DLGAP1: variants seen among roughly 807,000 people sequenced by gnomAD.
DLGAP1 encodes DLG associated protein 1.
Under a neutral mutation model 90.8 loss-of-function variants are expected in DLGAP1, and 11 were observed. The observed-to-expected ratio is 0.12, with a 90% CI of 0.08 to 0.20. The LOEUF (loss-of-function observed/expected upper bound fraction) is 0.20, where lower values mean the gene tolerates loss of function less well. Ranked by LOEUF, DLGAP1 falls within the 10% of genes least tolerant of loss-of-function variation. The pLI is 1.00. For synonymous variants in DLGAP1, 558 were observed against 540.7 expected (o/e 1.03, Z -0.44); for missense variants, 1,050 against 1,333.8 (o/e 0.79, Z 3.31).
chr18:4,081,072 A>G (rs182589989), intron 2 of DLGAP1, among the ~76,000 whole-genome samples: 3 of 152,160 alleles, frequency 2.0e-5, no homozygotes, highest in Non-Finnish European at 4.4e-5. Flanking sequence ...TATTTTTAGA[A>G]GAGATGGGGT....
rs370435422 is a variant in DLGAP1, at chr18:4,247,376, A to G, written c.-266-96089T>C. 1.1e-4 allele frequency among the ~76,000 whole-genome samples: 16 copies of G among 152,316 alleles called. 1 individual carries two copies. Among genetic ancestry groups the G allele is most frequent in the East Asian group, 1.9e-4 (1 of 5,186 alleles). On this transcript the variant is annotated intron_variant, in intron 1 of 12. Transcript: ENST00000315677. The stretch of plus-strand genomic sequence containing the variant: ...GTTCACCTGGCTAGTAAGGAAGAGA[A>G]CCAGAATTCGAACCCATGCGGCCTT...
At chr18:4,107,706 G>A (rs893473143) in intron 2 of DLGAP1, among the ~76,000 whole-genome samples, 16 of 152,144 alleles carry the variant, frequency 1.1e-4, no homozygotes, top group African/African-American at 3.9e-4. Context: ...ATCTCTCTAC[G>A]ATAGAAATGA....
At chr18:4,113,378 G>A (rs533321271) in intron 2 of DLGAP1, among the ~76,000 whole-genome samples, 5 of 152,014 alleles carry the variant, frequency 3.3e-5, no homozygotes, top group East Asian at 3.9e-4. Flanking sequence ...AACTTTTTTC[G>A]AAAGTTTGTT....
chr18:4,361,770 C>T (rs575621202), intron 1 of DLGAP1, among the ~76,000 whole-genome samples: 1 of 151,902 alleles, frequency 6.6e-6, no homozygotes, highest in East Asian at 1.9e-4. Flanking sequence ...TGTCAAAAGA[C>T]AGTAACAGCA....
intron 1 of DLGAP1, among the ~76,000 whole-genome samples, chr18:4,353,086 T>C (rs774209145): frequency 1.7e-4 from 26 of 152,152 alleles, no homozygotes; most frequent in Non-Finnish European, 7.3e-5. Flanking sequence ...CTCTTCTATT[T>C]AAAAAGATCT....
chr18:4,195,078 A>T (rs927735013), intron 1 of DLGAP1, among the ~76,000 whole-genome samples: 29 of 152,344 alleles, frequency 1.9e-4, no homozygotes, highest in Middle Eastern at 3.4e-3. Flanking sequence ...TTGAAGAAAA[A>T]AAACCCAAAT....
chr18:3,700,608 T>A (rs777447070), intron 7 of DLGAP1, among the ~76,000 whole-genome samples: 5 of 152,140 alleles, frequency 3.3e-5, no homozygotes, highest in Admixed American at 6.5e-5. Context: ...TTTATTTTTT[T>A]AAAATTTTAA....
At chr18:3,658,910 CAG>C (rs3067020) in intron 7 of DLGAP1, among the ~76,000 whole-genome samples, 9,967 of 152,104 alleles carry the variant, frequency 0.066, 1,103 homozygotes, top group African/African-American at 0.23. Flanking sequence ...TCAGGGAAGA[CAG>C]GGGTGGCAGT....
rs1267141125 is a variant in DLGAP1, at chr18:3,665,455, TGGGAATA to T, written c.1591+63673_1591+63679del. Among the ~76,000 whole-genome samples, 4 of 152,362 alleles carry T rather than the reference TGGGAATA, an allele frequency of 2.6e-5. No homozygotes were observed. In the East Asian group the frequency reaches 5.8e-4, roughly 22 times the overall value. The stretch of plus-strand genomic sequence containing the variant: ...CGGATATGGAAAATACATGCTCCGC[TGGGAATA>T]GTCTTTCTTAAAATATATCTGCTCT... On this transcript the variant is annotated intron_variant, in intron 7 of 12. Transcript: ENST00000315677.
chr18:3,869,613 T>G (rs561910408), intron 4 of DLGAP1, among the ~76,000 whole-genome samples: 58 of 152,340 alleles, frequency 3.8e-4, no homozygotes, highest in African/African-American at 1.2e-3. Context: ...GACGAAAGCT[T>G]TCTGCGTTTA....
chr18:4,441,060 CT>C (rs1292980476), intron 1 of DLGAP1, among the ~76,000 whole-genome samples: 1 of 152,298 alleles, frequency 6.6e-6, no homozygotes, highest in Non-Finnish European at 1.5e-5. Context: ...ATTCTAACAT[CT>C]TTTTTTACCC....
At chr18:4,034,949 T>G (rs1454345266) in intron 2 of DLGAP1, among the ~76,000 whole-genome samples, 1 of 152,240 alleles carries the variant, frequency 6.6e-6, no homozygotes, top group Non-Finnish European at 1.5e-5. Flanking sequence ...GTCCTTGTGA[T>G]AGTTTGCTGA....
chr18:3,502,782 G>C, intron 11 of DLGAP1, 137 bp from the exon 12 acceptor site: 1 of 920,330 alleles, frequency 1.1e-6, no homozygotes, highest in Non-Finnish European at 1.6e-6. Flanking sequence ...AGGTAAAAGT[G>C]AGGTTACAAA....
rs141130012 is a variant in DLGAP1 at position 4,137,267 on chromosome 18, A to G, written c.-159+13913T>C. 3.9e-5 allele frequency among the ~76,000 whole-genome samples: 6 copies of G among 152,286 alleles called. No homozygotes were observed. In the East Asian group the frequency reaches 1.2e-3, roughly 29 times the overall value. On this transcript the variant is annotated intron_variant, in intron 2 of 12. Coordinates refer to ENST00000315677, the MANE Select transcript of DLGAP1 (RefSeq NM_004746.4). ...ATGGCTGCATAGTATTCCATGGTGT[A>G]TATGTGCCACATTTTCTTAATCCAG...
intron 10 of DLGAP1, among the ~76,000 whole-genome samples, chr18:3,531,494 T>C (rs1378078198): frequency 6.6e-6 from 1 of 152,096 alleles, no homozygotes; most frequent in African/African-American, 2.4e-5. Context: ...ATATTTTACC[T>C]TTTTTTGAGT....
chr18:4,065,696 T>C (rs1657281432), intron 2 of DLGAP1, among the ~76,000 whole-genome samples: 1 of 152,064 alleles, frequency 6.6e-6, no homozygotes, highest in African/African-American at 2.4e-5. Context: ...GAAAAAACAT[T>C]CCATGCTCAT....
Position 3,729,313 on chromosome 18 carries a change from C to T in DLGAP1, c.1413G>A (p.Leu471=), listed in dbSNP as rs747409807. 2 of 1,614,148 alleles carry T rather than the reference C, an allele frequency of 1.2e-6. No homozygotes were observed. The highest frequency in any genetic ancestry group is 2.2e-5 in the South Asian group (2 of 91,076). The change falls in exon 7 of 13, where the codon CTG becomes CTA. Residue 471 remains leucine (L), a synonymous_variant. Transcript: ENST00000315677. This position sits in a 1 kb window ranked among gnomAD's most constrained non-coding sequence, Gnocchi z 6.2. ...ESVCESVFSE[L]ESQAVEALDL... ...CCAGCGCTTCCACGGCCTGCGACTCCAGCTCGCTGAACACGGACTCGCACA... is the reference window on the plus strand; with the variant it reads ...CCAGCGCTTCCACGGCCTGCGACTCTAGCTCGCTGAACACGGACTCGCACA...
chr18:4,238,298 A>C (rs900125803), intron 1 of DLGAP1, among the ~76,000 whole-genome samples: 4 of 152,204 alleles, frequency 2.6e-5, no homozygotes, highest in African/African-American at 9.6e-5. Flanking sequence ...TAGACATTCC[A>C]AACTATTTTC....
intron 3 of DLGAP1, among the ~76,000 whole-genome samples, chr18:3,915,798 T>A (rs76845300): frequency 0.083 from 12,571 of 152,212 alleles, 578 homozygotes; most frequent in South Asian, 0.093. Context: ...TTATTTATTT[T>A]TTTTTTCTTT....
Sources: allele counts gnomAD v4.1 joint callset (sites outside exome capture counted in the v4.1 genomes callset), GRCh38; gene constraint gnomAD v4.1.1; non-coding constraint Gnocchi (gnomAD v3.1); transcripts MANE v1.5; gene names NCBI Gene and HGNC (gene_info 2026-07-23, HGNC 2026-07-21).